ITGA9: variants seen among roughly 807,000 people sequenced by gnomAD.
ITGA9 encodes integrin subunit alpha 9, also known as integrin alpha-9.
Under a neutral mutation model 127.8 loss-of-function variants are expected in ITGA9, and 56 were observed. The ratio of observed to expected loss-of-function variants is 0.44; its 90% CI spans 0.35 to 0.55. ITGA9 has a LOEUF of 0.55. ITGA9 is among the 20% of genes least tolerant of loss of function. The pLI is 0.00. For synonymous variants in ITGA9, 508 were observed against 514.5 expected (o/e 0.99, Z 0.17); for missense variants, 1,196 against 1,347.1 (o/e 0.89, Z 1.76).
chr3:37,587,937 C>T (rs1293879607), intron 15 of ITGA9, among the ~76,000 whole-genome samples: 5 of 152,136 alleles, frequency 3.3e-5, no homozygotes, highest in Non-Finnish European at 5.9e-5. Flanking sequence ...TCCAGAGTGG[C>T]ATGCAGTGGC....
chr3:37,666,160 T>C (rs1341568330), intron 17 of ITGA9, among the ~76,000 whole-genome samples: 1 of 152,112 alleles, frequency 6.6e-6, no homozygotes, highest in Non-Finnish European at 1.5e-5. Flanking sequence ...ACGATGGGAA[T>C]ATGAGGGAGT....
In ITGA9 at chr3:37,558,091, C is replaced by T. The variant is rs1699448352; in HGVS notation, c.1689+15506C>T. 2.0e-5 allele frequency among the ~76,000 whole-genome samples: 3 copies of T among 152,210 alleles called. No individual in the cohort carries two copies. In the South Asian group the frequency reaches 6.2e-4, roughly 32 times the overall value. The stretch of plus-strand genomic sequence containing the variant: ...ACGAGGTTGCACTTTTCAGCCGCTC[C>T]TGTGCACGTGTGTCCGTGCTCTGAG... On this transcript the variant is annotated intron_variant, in intron 15 of 27. Transcript: ENST00000264741.
intron 1 of ITGA9, among the ~76,000 whole-genome samples, chr3:37,466,606 G>T (rs1698374527): frequency 6.7e-6 from 1 of 149,150 alleles, no homozygotes; most frequent in African/African-American, 2.5e-5. Flanking sequence ...GGCTCCAAAT[G>T]AACATAATTA....
chr3:37,720,118 CAGTG>C (rs1183920893), intron 18 of ITGA9, among the ~76,000 whole-genome samples: 3 of 152,290 alleles, frequency 2.0e-5, no homozygotes, highest in African/African-American at 4.8e-5. Context: ...GCATTTCTAA[CAGTG>C]AGCATGTCCA....
At chr3:37,673,424 T>C (rs1389104147) in intron 17 of ITGA9, among the ~76,000 whole-genome samples, 3 of 152,164 alleles carry the variant, frequency 2.0e-5, no homozygotes, top group African/African-American at 7.2e-5. Flanking sequence ...TGGTGTGAGA[T>C]TGGAGAAAGG....
chr3:37,572,839 A>G (rs1163368590), intron 15 of ITGA9, among the ~76,000 whole-genome samples: 2 of 152,240 alleles, frequency 1.3e-5, no homozygotes, highest in Non-Finnish European at 2.9e-5. Flanking sequence ...TTTACCTGTT[A>G]CTGCTTTCAT....
intron 15 of ITGA9, among the ~76,000 whole-genome samples, chr3:37,567,451 C>A (rs535603752): frequency 5.9e-5 from 9 of 151,372 alleles, no homozygotes; most frequent in South Asian, 2.1e-4. Flanking sequence ...AATATCATCT[C>A]ATCACATTCC....
intron 18 of ITGA9, among the ~76,000 whole-genome samples, chr3:37,732,083 A>G (rs1435722225): frequency 6.6e-6 from 1 of 152,084 alleles, no homozygotes; most frequent in Non-Finnish European, 1.5e-5. Context: ...CCTTGGTTGG[A>G]AGCCATGTGC....
intron 11 of ITGA9, 120 bp downstream of exon 11, chr3:37,519,474 C>A (rs3733140): frequency 0.062 from 47,653 of 774,052 alleles, 1,628 homozygotes; most frequent in East Asian, 0.095. Flanking sequence ...TTGCCTTGGC[C>A]TTCCTACCCT....
At chr3:37,796,467 TTGGATGGATGGATGGA>T (rs201148519) in intron 26 of ITGA9, among the ~76,000 whole-genome samples, 16 of 151,084 alleles carry the variant, frequency 1.1e-4, no homozygotes, top group Admixed American at 2.6e-4. Context: ...TGTTGGTTGG[TTGGATGGATGGATGGA>T]TGGATGGATG....
chr3:37,481,631 C>T (rs1293678721), intron 4 of ITGA9, 24 bp downstream of exon 4: 13 of 1,614,112 alleles, frequency 8.1e-6, no homozygotes, highest in Non-Finnish European at 1.0e-5. Context: ...GATTTTTCCT[C>T]ATCCCCCTAC....
At position 37,799,896 on chromosome 3, in the gene ITGA9, C is replaced by T. The variant is rs990920495; in HGVS notation, c.2890-3927C>T. 9.9e-5 allele frequency among the ~76,000 whole-genome samples: 15 copies of T among 152,118 alleles called. No homozygotes were observed. Among genetic ancestry groups the T allele is most frequent in the African/African-American group, 3.1e-4 (13 of 41,422 alleles). On this transcript the variant is annotated intron_variant, in intron 26 of 27. Transcript: ENST00000264741. This position sits in a 1 kb window ranked among gnomAD's most constrained non-coding sequence, Gnocchi z 4.0. ...ATCAGTGCTTCTTGCCTCTCCATGT[C>T]GTCCATGCTGCTGTTCCTTCCTTAG...
chr3:37,788,873 A>T (rs754725036), intron 26 of ITGA9, among the ~76,000 whole-genome samples: 1 of 152,096 alleles, frequency 6.6e-6, no homozygotes, highest in Non-Finnish European at 1.5e-5. Context: ...CTTTTTGGAA[A>T]GTTTCTACTG....
chr3:37,618,567 C>T (rs1367476965), intron 15 of ITGA9, among the ~76,000 whole-genome samples: 1 of 152,228 alleles, frequency 6.6e-6, no homozygotes, highest in Non-Finnish European at 1.5e-5. Flanking sequence ...GAGGTGGAGT[C>T]TACAGAGGCA....
At chr3:37,551,912 C>G (rs768355) in intron 15 of ITGA9, among the ~76,000 whole-genome samples, 27,498 of 152,242 alleles carry the variant, frequency 0.18, 3,465 homozygotes, top group African/African-American at 0.36. Context: ...CGTGTGGACA[C>G]AGCCACACTA....
At chr3:37,730,606 C>A (rs575896861) in intron 18 of ITGA9, among the ~76,000 whole-genome samples, 109 of 152,294 alleles carry the variant, frequency 7.2e-4, no homozygotes, top group Middle Eastern at 3.4e-3. Flanking sequence ...CTGAGCTCTA[C>A]GAGGACAGCG....
intron 16 of ITGA9, among the ~76,000 whole-genome samples, chr3:37,645,059 C>T (rs1179899124): frequency 1.3e-5 from 2 of 152,138 alleles, no homozygotes; most frequent in Non-Finnish European, 2.9e-5. Context: ...AAACCTCTTA[C>T]ACTCAGGTCA....
intron 18 of ITGA9, among the ~76,000 whole-genome samples, chr3:37,701,476 C>T (rs1700945951): frequency 6.6e-6 from 1 of 152,164 alleles, no homozygotes; most frequent in Non-Finnish European, 1.5e-5. Context: ...ACTGGGGAAC[C>T]CTGGGTCCAC....
At chr3:37,600,458 C>CTGG (rs1699912028) in intron 15 of ITGA9, among the ~76,000 whole-genome samples, 1 of 152,164 alleles carries the variant, frequency 6.6e-6, no homozygotes, top group Non-Finnish European at 1.5e-5. Context: ...CCTAGCCCCA[C>CTGG]ACATACTCTT....
Sources: gnomAD v4.1 joint callset for allele counts (sites outside exome capture counted in the v4.1 genomes callset) on GRCh38, gnomAD v4.1.1 for gene constraint, Gnocchi (gnomAD v3.1) non-coding constraint, MANE v1.5 for transcripts, NCBI Gene and HGNC (gene_info 2026-07-23, HGNC 2026-07-21) for gene names.